AR: variants seen among roughly 807,000 people sequenced by gnomAD.
AR encodes the protein androgen receptor, also known as dihydrotestosterone receptor.
AR carries 8 observed loss-of-function variants against 53.9 expected under a neutral mutation model. The observed-to-expected ratio is 0.15, with a 90% CI of 0.09 to 0.27. The LOEUF is 0.27. AR is among the 10% of genes least tolerant of loss of function. AR has a pLI of 1.00. For missense variants in AR, 639 were observed against 742.5 expected (o/e 0.86, Z 1.62); for synonymous variants, 359 against 316.4 (o/e 1.13, Z -1.43).
chrX:67,572,066 A>G (rs932701249), intron 1 of AR, among the ~76,000 whole-genome samples: 5 of 111,456 alleles, frequency 4.5e-5, no homozygotes, highest in African/African-American at 1.6e-4. Flanking sequence ...CTACCAAATG[A>G]TTGCATATGA....
intron 3 of AR, among the ~76,000 whole-genome samples, chrX:67,700,172 C>T (rs749027281): frequency 1.2e-4 from 13 of 111,643 alleles, no homozygotes; most frequent in African/African-American, 4.2e-4. Context: ...ACTAACAGGG[C>T]AGAGATAGTG....
chrX:67,638,287 T>A (rs991805780), intron 1 of AR, among the ~76,000 whole-genome samples: 6 of 112,042 alleles, frequency 5.4e-5, no homozygotes, highest in Middle Eastern at 4.6e-3. Context: ...TAGACATAAG[T>A]GTGCATGTGT....
At chrX:67,632,752 G>A (rs1295668219) in intron 1 of AR, among the ~76,000 whole-genome samples, 2 of 112,307 alleles carry the variant, frequency 1.8e-5, no homozygotes, top group African/African-American at 3.2e-5. Context: ...CTCACCCACA[G>A]AATGAGAGAA....
intron 3 of AR, among the ~76,000 whole-genome samples, chrX:67,704,796 T>G (rs1210448220): frequency 8.9e-6 from 1 of 112,269 alleles, no homozygotes; most frequent in Non-Finnish European, 1.9e-5. Context: ...ATTTAAGTCT[T>G]GAATCCATCT....
intron 1 of AR, among the ~76,000 whole-genome samples, chrX:67,639,114 A>G (rs1203375505): frequency 2.7e-5 from 3 of 111,634 alleles, no homozygotes; most frequent in African/African-American, 9.8e-5. Flanking sequence ...TTTGTCAAAG[A>G]TTAGATGGTT....
At chrX:67,707,091 G>A (rs997865763) in intron 3 of AR, among the ~76,000 whole-genome samples, 1 of 111,914 alleles carries the variant, frequency 8.9e-6, no homozygotes, top group African/African-American at 3.3e-5. Context: ...TTTGGAATAG[G>A]TGTGGTGTGG....
At chrX:67,664,834 C>T (rs1927174795) in intron 2 of AR, among the ~76,000 whole-genome samples, 1 of 112,583 alleles carries the variant, frequency 8.9e-6, no homozygotes, top group Non-Finnish European at 1.9e-5. Flanking sequence ...CCTCCCCCAG[C>T]CTCGCTGCTG....
intron 1 of AR, among the ~76,000 whole-genome samples, chrX:67,567,717 A>C (rs1241684922): frequency 8.9e-6 from 1 of 112,225 alleles, no homozygotes; most frequent in Non-Finnish European, 1.9e-5. Flanking sequence ...GCAAGTCAAC[A>C]GTTCTGAGTC....
intron 2 of AR, among the ~76,000 whole-genome samples, chrX:67,656,066 G>C (rs1184326203): frequency 8.9e-6 from 1 of 112,104 alleles, no homozygotes; most frequent in Admixed American, 9.5e-5. Flanking sequence ...CTAGAGTGAT[G>C]ACAAGGTGGC....
intron 2 of AR, among the ~76,000 whole-genome samples, chrX:67,662,000 T>C (rs1926948565): frequency 8.9e-6 from 1 of 112,183 alleles, no homozygotes; most frequent in African/African-American, 3.2e-5. Context: ...TAGTATGCTC[T>C]GATGGTAGTT....
At chrX:67,569,272 G>A (rs1029249417) in intron 1 of AR, among the ~76,000 whole-genome samples, 2 of 110,290 alleles carry the variant, frequency 1.8e-5, no homozygotes, top group South Asian at 4.0e-4. Context: ...CACTTAATTC[G>A]CTATGATAAG....
intron 1 of AR, among the ~76,000 whole-genome samples, chrX:67,582,179 C>T (rs1317618652): frequency 2.7e-5 from 3 of 112,046 alleles, no homozygotes; most frequent in Admixed American, 9.5e-5. Context: ...AGCATCTCTT[C>T]TGATTCTGAC....
intron 3 of AR, among the ~76,000 whole-genome samples, chrX:67,709,874 G>C (rs931095790): frequency 4.5e-5 from 5 of 111,925 alleles, no homozygotes; most frequent in Non-Finnish European, 9.4e-5. Flanking sequence ...TGATAGGATA[G>C]AATTTGATAG....
chrX:67,588,330 G>C (rs1263800575), intron 1 of AR, among the ~76,000 whole-genome samples: 4 of 111,954 alleles, frequency 3.6e-5, no homozygotes, highest in African/African-American at 1.3e-4. Flanking sequence ...CAAACTCTTT[G>C]GCTTTATATA....
chrX:67,559,168 A>G (rs191574936), intron 1 of AR, among the ~76,000 whole-genome samples: 44 of 112,258 alleles, frequency 3.9e-4, no homozygotes, highest in African/African-American at 1.3e-3. Flanking sequence ...CTAATGTCAC[A>G]TGGTGAGTAA....
chrX:67,606,543 A>C (rs1923632150), intron 1 of AR, among the ~76,000 whole-genome samples: 1 of 111,411 alleles, frequency 9.0e-6, no homozygotes, highest in South Asian at 3.7e-4. Context: ...AGATCTCAAA[A>C]ACTTCTAACA....
intron 1 of AR, among the ~76,000 whole-genome samples, chrX:67,638,733 G>A (rs774276646): frequency 2.3e-3 from 254 of 111,480 alleles, no homozygotes; most frequent in Non-Finnish European, 2.3e-3. Flanking sequence ...TTAACCTTTC[G>A]TCAGATGGAT....
intron 4 of AR, among the ~76,000 whole-genome samples, chrX:67,713,498 C>T (rs1011447972): frequency 1.8e-5 from 2 of 112,015 alleles, no homozygotes; most frequent in African/African-American, 6.5e-5. Flanking sequence ...TTTCCAAACA[C>T]TTATCTCATT....
chrX:67,564,951 C>A (rs910569367), intron 1 of AR, among the ~76,000 whole-genome samples: 6 of 111,627 alleles, frequency 5.4e-5, no homozygotes, highest in African/African-American at 2.0e-4. Context: ...TAGAGCTTCT[C>A]TTTGGTCCTG....
Sources: gnomAD v4.1 joint callset for allele counts (sites outside exome capture counted in the v4.1 genomes callset) on GRCh38, gnomAD v4.1.1 for gene constraint, MANE v1.5 for transcripts, NCBI Gene and HGNC (gene_info 2026-07-23, HGNC 2026-07-21) for gene names.